Variants in AGBL3 observed in about 807,000 individuals in gnomAD.
The protein encoded by AGBL3 is AGBL carboxypeptidase 3, also known as cytosolic carboxypeptidase 3.
In AGBL3, 68 loss-of-function variants were observed where a neutral mutation model predicts 94.5. The ratio of observed to expected loss-of-function variants is 0.72; its 90% confidence interval spans 0.59 to 0.88. The LOEUF is 0.88. Ranked by LOEUF, AGBL3 falls within the 40% of genes least tolerant of loss-of-function variation. The pLI is 0.00. For synonymous variants in AGBL3, 354 were observed against 370.7 expected (o/e 0.95, Z 0.52); for missense variants, 934 against 1,103.8 (o/e 0.85, Z 2.18).
intron 4 of AGBL3, among the ~76,000 whole-genome samples, chr7:134,994,257 T>C (rs1437318664): frequency 2.6e-5 from 4 of 152,152 alleles, no homozygotes. Context: ...TTTACCACTT[T>C]CTGCCTTTCT....
At chr7:135,007,824 G>T (rs1451469702) in intron 4 of AGBL3, among the ~76,000 whole-genome samples, 1 of 151,948 alleles carries the variant, frequency 6.6e-6, no homozygotes, top group Non-Finnish European at 1.5e-5. Context: ...CAGAATACAA[G>T]AGTAATATAT....
intron 4 of AGBL3, among the ~76,000 whole-genome samples, chr7:135,000,036 C>A (rs1811517932): frequency 6.6e-6 from 1 of 152,206 alleles, no homozygotes; most frequent in Admixed American, 6.5e-5. Flanking sequence ...GGAAAAGAGA[C>A]CTCCTGCACA....
intron 5 of AGBL3, among the ~76,000 whole-genome samples, chr7:135,030,270 C>G (rs1173730249): frequency 6.6e-6 from 1 of 151,906 alleles, no homozygotes; most frequent in Non-Finnish European, 1.5e-5. Flanking sequence ...AGATATTCTT[C>G]AATTTACATT....
At chr7:135,117,494 A>C (rs1231245362) in intron 16 of AGBL3, among the ~76,000 whole-genome samples, 2 of 152,240 alleles carry the variant, frequency 1.3e-5, no homozygotes, top group Non-Finnish European at 2.9e-5. Context: ...ATGGTTTAGC[A>C]AAGTGTGATC....
In AGBL3 at chr7:135,096,842, G is replaced by A. The variant is rs913209938; in HGVS notation, c.2110+15052G>A. Among the ~76,000 whole-genome samples, 8 of 152,204 alleles carry A rather than the reference G, an allele frequency of 5.3e-5. No homozygotes were observed. The East Asian group carries it at 1.4e-3, about 26-fold the overall frequency. On this transcript the variant is annotated intron_variant, in intron 15 of 16. Transcript: ENST00000436302. The stretch of plus-strand genomic sequence containing the variant: ...ATGGCTATTCTTTTAATGACTGGCG[G>A]AAGAACATATACAACTAGGAAGATA...
intron 8 of AGBL3, among the ~76,000 whole-genome samples, chr7:135,039,162 G>A (rs879401729): frequency 2.0e-5 from 3 of 151,892 alleles, no homozygotes; most frequent in Non-Finnish European, 4.4e-5. Context: ...ATCACATCCT[G>A]GTTTAAAACA....
At chr7:134,988,503 G>A (rs1433508848) in intron 2 of AGBL3, 1 of 152,298 alleles carries the variant, frequency 6.6e-6, no homozygotes, top group African/African-American at 2.4e-5. Flanking sequence ...CATAGGCTGC[G>A]AGATTTCCTT....
chr7:135,045,042 C>T (rs1289963331), intron 9 of AGBL3, among the ~76,000 whole-genome samples: 1 of 150,880 alleles, frequency 6.6e-6, no homozygotes, highest in African/African-American at 2.4e-5. Context: ...AGGACATGAA[C>T]TCATCATTTT....
Position 135,034,387 on chromosome 7 carries a change from TA to T in AGBL3, c.797del (p.Tyr266LeufsTer75). On this transcript the variant is annotated frameshift_variant, in exon 7 of 17. Transcript: ENST00000436302. LOFTEE classifies it high-confidence loss of function. ...GAGAATAGGAGACCAAATCAAGTAT[TA>T]TAGGAACAACCCAGGCCAAGATGGG... ...WQRIGDQIKY[Y>X]RNNPGQDGRH... is the part of the protein sequence containing the mutation. 6.4e-7 allele frequency: 1 copy of T among 1,551,634 alleles called. No homozygotes were observed. Among genetic ancestry groups the T allele is most frequent in the Non-Finnish European group, 8.7e-7 (1 of 1,146,974 alleles).
intron 15 of AGBL3, among the ~76,000 whole-genome samples, chr7:135,104,363 A>G (rs117875121): frequency 0.014 from 2,172 of 152,304 alleles, 22 homozygotes; most frequent in Non-Finnish European, 0.024. Context: ...TATTCACAAT[A>G]GCAATGAATA....
At chr7:135,109,058 CT>C (rs1825212728) in intron 15 of AGBL3, among the ~76,000 whole-genome samples, 1 of 152,110 alleles carries the variant, frequency 6.6e-6, no homozygotes, top group African/African-American at 2.4e-5. Flanking sequence ...CTTTTTTATA[CT>C]GCCTATTTTG....
chr7:135,044,271 T>A, intron 9 of AGBL3, 120 bp downstream of exon 9: 1 of 960,618 alleles, frequency 1.0e-6, no homozygotes, highest in Non-Finnish European at 1.4e-6. Flanking sequence ...TACTAATATT[T>A]AATCAATTCT....
rs752074646 is a variant in AGBL3, at chr7:135,037,416, A to T, written c.1338-2A>T. The stretch of plus-strand genomic sequence containing the variant: ...TTAGTAACTTATCTTTCTTCCTGGC[A>T]GACTGATGGAGAAACGAGAGGTTAT... On this transcript the variant is annotated splice_acceptor_variant, in intron 7 of 16. Transcript: ENST00000436302. LOFTEE classifies it high-confidence loss of function. 3 of 1,539,550 alleles carry T rather than the reference A, an allele frequency of 1.9e-6. No homozygotes were observed. Among genetic ancestry groups the T allele is most frequent in the South Asian group, 2.5e-5 (2 of 81,330 alleles).
intron 4 of AGBL3, among the ~76,000 whole-genome samples, chr7:134,997,006 T>C (rs1271859146): frequency 6.6e-6 from 1 of 152,132 alleles, no homozygotes; most frequent in Non-Finnish European, 1.5e-5. Context: ...CAAAGGTAAA[T>C]GGCGTATAGC....
chr7:135,052,183 A>G (rs1817937084), intron 11 of AGBL3, among the ~76,000 whole-genome samples: 1 of 152,160 alleles, frequency 6.6e-6, no homozygotes, highest in African/African-American at 2.4e-5. Flanking sequence ...CTTCAAAAAT[A>G]TGAGTGAATA....
intron 3 of AGBL3, among the ~76,000 whole-genome samples, chr7:134,991,918 A>G (rs1224021511): frequency 6.6e-6 from 1 of 152,186 alleles, no homozygotes; most frequent in Non-Finnish European, 1.5e-5. Context: ...CAGAGCAAAC[A>G]AGGGGCTGGA....
chr7:135,089,843 G>A (rs1053219633), intron 15 of AGBL3, among the ~76,000 whole-genome samples: 28 of 152,166 alleles, frequency 1.8e-4, no homozygotes, highest in Non-Finnish European at 5.9e-5. Flanking sequence ...GCAGGTGCTT[G>A]GAGTGGTTGT....
intron 16 of AGBL3, among the ~76,000 whole-genome samples, chr7:135,131,797 T>G (rs1290916940): frequency 6.6e-6 from 1 of 152,020 alleles, no homozygotes; most frequent in Non-Finnish European, 1.5e-5. Context: ...GACAAACTTC[T>G]ATTAATACTG....
At chr7:135,046,929 C>T (rs1817421131) in intron 11 of AGBL3, among the ~76,000 whole-genome samples, 1 of 150,240 alleles carries the variant, frequency 6.7e-6, no homozygotes, top group East Asian at 2.0e-4. Flanking sequence ...CTTTATTTTT[C>T]ATTTTATTGT....
Sources: gnomAD v4.1 joint callset for allele counts (sites outside exome capture counted in the v4.1 genomes callset) on GRCh38, gnomAD v4.1.1 for gene constraint, MANE v1.5 for transcripts, NCBI Gene and HGNC (gene_info 2026-07-23, HGNC 2026-07-21) for gene names.